Variants in SYNJ2 observed in about 807,000 individuals in gnomAD.
The protein encoded by SYNJ2 is synaptojanin 2.
In SYNJ2, 116 loss-of-function variants were observed where a neutral mutation model predicts 141.3. That is an observed-to-expected ratio of 0.82 (90% CI 0.71 to 0.96). SYNJ2 has a LOEUF of 0.96. Ranked by LOEUF, SYNJ2 falls within the 40% of genes least tolerant of loss-of-function variation. SYNJ2 has a pLI of 0.00. For missense variants in SYNJ2, 1,873 were observed against 1,934.8 expected, an observed-to-expected ratio of 0.97 and a Z score of 0.60; for synonymous variants, 745 against 777.7, an observed-to-expected ratio of 0.96 and a Z score of 0.70.
At position 158,096,451 on chromosome 6, in the gene SYNJ2, A is replaced by G. The variant is rs1014065126; in HGVS notation, c.*87A>G. On this transcript the variant is annotated 3_prime_UTR_variant, in exon 27 of 27. Coordinates refer to ENST00000355585, the MANE Select transcript of SYNJ2 (RefSeq NM_003898.4). ...TCCACCAGAAGAGACATCTATTTAA[A>G]GGCACACTGGCCAAAACGTTTGTGC... 4 of 1,455,454 alleles carry G rather than the reference A, an allele frequency of 2.7e-6. No individual in the cohort carries two copies. The African/African-American group carries it at 5.6e-5, about 21-fold the overall frequency. The allele number at this position is 1,455,454 out of a possible 1,614,324, so 90.2% of individuals were successfully genotyped here. A position where few individuals can be genotyped will look rare whatever the true frequency, so the allele number is the denominator to read the frequency against.
At chr6:158,021,798 C>T (rs61545932) in intron 2 of SYNJ2, among the ~76,000 whole-genome samples, 2,525 of 152,260 alleles carry the variant, frequency 0.017, 65 homozygotes, top group African/African-American at 0.058. Flanking sequence ...TGGCCTTTGT[C>T]GGTCTTAGAT....
chr6:158,035,366 G>A (rs1281105784), intron 4 of SYNJ2, among the ~76,000 whole-genome samples: 1 of 152,094 alleles, frequency 6.6e-6, no homozygotes, highest in East Asian at 1.9e-4. Flanking sequence ...GCAGTGTTTT[G>A]TAATTCTCAT....
At chr6:158,020,864 A>T (rs1032727998) in intron 2 of SYNJ2, among the ~76,000 whole-genome samples, 1 of 152,266 alleles carries the variant, frequency 6.6e-6, no homozygotes, top group Non-Finnish European at 1.5e-5. Context: ...GAAAAATTTC[A>T]ATCTACCTAA....
At chr6:158,051,951 G>A (rs1780591163) in intron 5 of SYNJ2, among the ~76,000 whole-genome samples, 1 of 150,706 alleles carries the variant, frequency 6.6e-6, no homozygotes, top group African/African-American at 2.4e-5. Context: ...GTAAGACCCT[G>A]TCTCAAAGAA....
At chr6:158,018,828 G>A (rs1454192597) in intron 2 of SYNJ2, among the ~76,000 whole-genome samples, 4 of 152,246 alleles carry the variant, frequency 2.6e-5, no homozygotes, top group Non-Finnish European at 4.4e-5. Flanking sequence ...GGTTTGAAGC[G>A]CCTCCAAACG....
chr6:157,984,484 G>A (rs1237516720), intron 1 of SYNJ2, among the ~76,000 whole-genome samples: 2 of 151,958 alleles, frequency 1.3e-5, no homozygotes, highest in Non-Finnish European at 2.9e-5. Context: ...CTGCAACACC[G>A]CCACCCCCAC....
At chr6:158,078,028 T>TG (rs1375938514) in intron 17 of SYNJ2, 136 bp from the exon 18 acceptor site, 1 of 637,804 alleles carries the variant, frequency 1.6e-6, no homozygotes, top group East Asian at 2.6e-5. Context: ...GGCTTCAAGG[T>TG]GGAGGAGTAA....
intron 25 of SYNJ2, among the ~76,000 whole-genome samples, chr6:158,092,616 T>C (rs1052554309): frequency 2.0e-5 from 3 of 152,046 alleles, no homozygotes; most frequent in Non-Finnish European, 4.4e-5. Context: ...ATTTTAAAAA[T>C]TGGCTGGGCG....
At position 158,098,691 on chromosome 6, in the gene SYNJ2, A is replaced by C. The variant is rs1439643422; in HGVS notation, c.*2327A>C. On this transcript the variant is annotated 3_prime_UTR_variant, in exon 27 of 27. Coordinates refer to ENST00000355585, the MANE Select transcript of SYNJ2 (RefSeq NM_003898.4). ...GGGGATTTCATTCTGTGGTTTTTTA[A>C]ATGTTTCGTCTTTGATGCTACCATC... is the stretch of plus-strand genomic sequence containing the variant. The C allele has an allele frequency of 6.6e-6, 1 of 152,130 alleles. No homozygotes were observed. Among genetic ancestry groups the C allele is most frequent in the Non-Finnish European group, 1.5e-5 (1 of 67,996 alleles). 9.4% of individuals were successfully genotyped at this position (152,130 alleles called of 1,614,324 possible). A position where few individuals can be genotyped will look rare whatever the true frequency, so the allele number is the denominator to read the frequency against.
At chr6:158,093,221 G>C in intron 26 of SYNJ2, 117 bp downstream of exon 26, 1 of 1,178,558 alleles carries the variant, frequency 8.5e-7, no homozygotes, top group Non-Finnish European at 1.2e-6. Context: ...GGATTACGAG[G>C]TCAGGAGTTC....
intron 16 of SYNJ2, among the ~76,000 whole-genome samples, chr6:158,075,190 C>A (rs915633621): frequency 5.3e-5 from 8 of 151,966 alleles, no homozygotes; most frequent in African/African-American, 1.9e-4. Context: ...CCTCAGCCTC[C>A]CAAAGTGCTG....
chr6:157,982,082 A>C lies in SYNJ2; in HGVS notation c.121A>C (p.Thr41Pro). ...CLLFEAGTVA[T>P]LAPEEKEVIK... ...GCTGTTCGAGGCCGGCACGGTGGCC[A>C]CGCTGGGTGAGTCCGGGCCGGGGGC... Residue 41 changes from threonine to proline, a missense_variant, in exon 1 of 27, where the codon ACG becomes CCG. Coordinates refer to ENST00000355585, the MANE Select transcript of SYNJ2 (RefSeq NM_003898.4). This position sits in a 1 kb window ranked among gnomAD's most constrained non-coding sequence, Gnocchi z 4.0. The C allele has an allele frequency of 6.0e-6, 8 of 1,332,878 alleles. No homozygotes were observed. The highest frequency in any genetic ancestry group is 7.7e-6 in the Non-Finnish European group (8 of 1,043,438). 82.6% of individuals were successfully genotyped at this position (1,332,878 alleles called of 1,614,324 possible). A position where few individuals can be genotyped will look rare whatever the true frequency, so the allele number is the denominator to read the frequency against.
At chr6:158,022,761 A>C (rs891814885) in intron 2 of SYNJ2, among the ~76,000 whole-genome samples, 1 of 152,212 alleles carries the variant, frequency 6.6e-6, no homozygotes, top group Non-Finnish European at 1.5e-5. Flanking sequence ...CCGCAAGCCT[A>C]GTTAGCTTCT....
intron 4 of SYNJ2, among the ~76,000 whole-genome samples, chr6:158,037,634 C>T (rs1356369006): frequency 6.6e-6 from 1 of 152,116 alleles, no homozygotes; most frequent in African/African-American, 2.4e-5. Flanking sequence ...ATCTCCTGAC[C>T]TCGTGATCTG....
chr6:157,997,032 C>CG (rs1398644917), intron 1 of SYNJ2, among the ~76,000 whole-genome samples: 3 of 143,566 alleles, frequency 2.1e-5, no homozygotes, highest in Admixed American at 2.1e-4. Flanking sequence ...ACCCCACCCC[C>CG]CCCCACCCAG....
intron 20 of SYNJ2, among the ~76,000 whole-genome samples, chr6:158,082,279 G>T (rs1168470639): frequency 6.6e-6 from 1 of 151,992 alleles, no homozygotes; most frequent in Non-Finnish European, 1.5e-5. Context: ...ATGAGGTCAG[G>T]ATTTCGAGAC....
At chr6:158,021,992 C>T (rs540900669) in intron 2 of SYNJ2, among the ~76,000 whole-genome samples, 5 of 152,242 alleles carry the variant, frequency 3.3e-5, no homozygotes, top group East Asian at 1.9e-4. Flanking sequence ...GTGCTCACTG[C>T]GGGTGTTCAC....
chr6:158,047,774 C>CAAAAAAAAAAAAAAAAAAAAAAAAA (rs58147972), intron 5 of SYNJ2, among the ~76,000 whole-genome samples: 1 of 32,376 alleles, frequency 3.1e-5, no homozygotes, highest in African/African-American at 1.4e-4. Flanking sequence ...GCGACTCTGT[C>CAAAAAAAAAAAAAAAAAAAAAAAAA]AAAAAAAAAA....
intron 8 of SYNJ2, among the ~76,000 whole-genome samples, chr6:158,062,690 G>C (rs776839559): frequency 6.6e-5 from 10 of 152,052 alleles, no homozygotes; most frequent in Non-Finnish European, 1.3e-4. Context: ...ATTCCATATT[G>C]GCTTATTTAC....
Sources: gnomAD v4.1 joint callset for allele counts (sites outside exome capture counted in the v4.1 genomes callset) on GRCh38, gnomAD v4.1.1 for gene constraint, Gnocchi (gnomAD v3.1) non-coding constraint, MANE v1.5 for transcripts, NCBI Gene and HGNC (gene_info 2026-07-23, HGNC 2026-07-21) for gene names.